MYZAP: variants seen among roughly 807,000 people sequenced by gnomAD.
MYZAP encodes myocardial zonula adherens protein, also known as GRINL1A complex locus upstream.
MYZAP carries 66 observed loss-of-function variants against 69.4 expected under a neutral mutation model. The observed-to-expected ratio is 0.95, with a 90% confidence interval of 0.78 to 1.17. The LOEUF (loss-of-function observed/expected upper bound fraction) is 1.17. Among genes scored for constraint, MYZAP ranks in the 50% most tolerant of loss-of-function variants. MYZAP has a pLI of 0.00. For missense variants in MYZAP, 611 were observed against 556.2 expected, an observed-to-expected ratio of 1.10 and a Z score of -0.99; for synonymous variants, 256 against 205.9, an observed-to-expected ratio of 1.24 and a Z score of -2.09.
At chr15:57,682,466 A>C (rs1321283431) in intron 12 of MYZAP, among the ~76,000 whole-genome samples, 1 of 152,138 alleles carries the variant, frequency 6.6e-6, no homozygotes, top group Non-Finnish European at 1.5e-5. Context: ...ACTTCCCATC[A>C]AGTGCTTCCG....
intron 11 of MYZAP, among the ~76,000 whole-genome samples, chr15:57,669,862 T>C (rs566700064): frequency 1.3e-5 from 2 of 152,304 alleles, no homozygotes; most frequent in African/African-American, 4.8e-5. Flanking sequence ...GTTCAAAATA[T>C]TTCCTAATTT....
chr15:57,597,283 G>C (rs1171465859), intron 1 of MYZAP, among the ~76,000 whole-genome samples: 1 of 152,134 alleles, frequency 6.6e-6, no homozygotes, highest in East Asian at 1.9e-4. Flanking sequence ...TCACTGGGAG[G>C]CTTAAAATAG....
At chr15:57,678,848 G>A (rs2039277982) in intron 12 of MYZAP, among the ~76,000 whole-genome samples, 1 of 151,840 alleles carries the variant, frequency 6.6e-6, no homozygotes, top group Admixed American at 6.6e-5. Flanking sequence ...TTTTAGAGCT[G>A]CTCTACTTTT....
rs148484431 is a variant in MYZAP at position 57,635,966 on chromosome 15, A to C, written c.934-1729A>C. Among the ~76,000 whole-genome samples, 1,159 of 152,330 alleles carry C rather than the reference A, an allele frequency of 7.6e-3. 10 individuals carry two copies. The highest frequency in any genetic ancestry group is 0.049 in the South Asian group (236 of 4,824). The stretch of plus-strand genomic sequence containing the variant: ...CAGGGACCCTTCTGGGGAACAGATA[A>C]TAGTCTATGCCATAATCTGGGCAGT... On this transcript the variant is annotated intron_variant, in intron 8 of 12. Transcript: ENST00000267853.
chr15:57,638,126 A>G (rs1438421393), intron 9 of MYZAP, among the ~76,000 whole-genome samples: 3 of 152,234 alleles, frequency 2.0e-5, no homozygotes, highest in African/African-American at 7.2e-5. Context: ...TTGGAAACCA[A>G]TTTAAAACAT....
intron 3 of MYZAP, among the ~76,000 whole-genome samples, chr15:57,619,472 C>T (rs1300470146): frequency 6.6e-6 from 1 of 152,138 alleles, no homozygotes; most frequent in African/African-American, 2.4e-5. Flanking sequence ...TACTTCCCCA[C>T]CCTCAAGTGA....
chr15:57,676,439 T>C (rs1372041100), intron 12 of MYZAP, among the ~76,000 whole-genome samples: 1 of 133,624 alleles, frequency 7.5e-6, no homozygotes, highest in African/African-American at 3.1e-5. Context: ...TATATATGTA[T>C]ATATATATAT....
intron 10 of MYZAP, among the ~76,000 whole-genome samples, chr15:57,648,844 T>C (rs1038235371): frequency 6.6e-6 from 1 of 151,600 alleles, no homozygotes; most frequent in African/African-American, 2.4e-5. Flanking sequence ...GTTCTCTTTT[T>C]ACCTGTCCCT....
rs755467129 is a variant in MYZAP, at chr15:57,604,263, T to C, written c.76-6T>C. Reference sequence around the variant, plus strand: ...CTAACTGGCCTCTCCTTTCCCTCTCTTCTAGGCAAATGTTTGCAGACTACG... The same window carrying C: ...CTAACTGGCCTCTCCTTTCCCTCTCCTCTAGGCAAATGTTTGCAGACTACG... On this transcript the variant is annotated splice_polypyrimidine_tract_variant and splice_region_variant and intron_variant, in intron 1 of 12. Transcript: ENST00000267853. 6.2e-7 allele frequency: 1 copy of C among 1,614,126 alleles called. No homozygotes were observed. The highest frequency in any genetic ancestry group is 1.1e-5 in the South Asian group (1 of 91,056).
intron 4 of MYZAP, 86 bp from the exon 5 acceptor site, chr15:57,625,693 T>C: frequency 1.6e-6 from 2 of 1,247,144 alleles, no homozygotes; most frequent in Non-Finnish European, 1.2e-6. Context: ...ATGTGGCTTC[T>C]AACAGAAGAA....
intron 6 of MYZAP, 152 bp from the exon 7 acceptor site, chr15:57,632,282 T>C: frequency 7.6e-7 from 1 of 1,315,998 alleles, no homozygotes; most frequent in South Asian, 1.5e-5. Context: ...TCTTCCTCCC[T>C]TTCCCTGTTA....
intron 1 of MYZAP, among the ~76,000 whole-genome samples, chr15:57,600,460 C>G (rs2034338226): frequency 6.6e-6 from 1 of 152,122 alleles, no homozygotes; most frequent in Non-Finnish European, 1.5e-5. Context: ...CAGGGTATTG[C>G]TCAGTGTGAG....
At chr15:57,647,277 G>A (rs990124330) in intron 10 of MYZAP, 12 of 985,384 alleles carry the variant, frequency 1.2e-5, no homozygotes, top group African/African-American at 7.0e-5. Flanking sequence ...ACCTGTGCAC[G>A]GTGCTGTGTT....
chr15:57,658,667 G>C (rs531026617), intron 10 of MYZAP, among the ~76,000 whole-genome samples: 1 of 152,258 alleles, frequency 6.6e-6, no homozygotes, highest in African/African-American at 2.4e-5. Flanking sequence ...ACACTTCATG[G>C]GTGATGCTGT....
chr15:57,648,801 TA>T (rs1408916275), intron 10 of MYZAP, among the ~76,000 whole-genome samples: 8 of 144,306 alleles, frequency 5.5e-5, no homozygotes, highest in Non-Finnish European at 1.1e-4. Flanking sequence ...TTTTTTTTTT[TA>T]AAGAAAAGAA....
chr15:57,631,426 AG>A (rs2036499079), intron 6 of MYZAP, among the ~76,000 whole-genome samples: 1 of 149,944 alleles, frequency 6.7e-6, no homozygotes, highest in South Asian at 2.1e-4. Context: ...GGAGTTAAAA[AG>A]GTTTCTCCTA....
At chr15:57,655,926 G>A (rs1300370500) in intron 10 of MYZAP, among the ~76,000 whole-genome samples, 1 of 152,194 alleles carries the variant, frequency 6.6e-6, no homozygotes, top group Non-Finnish European at 1.5e-5. Context: ...AATAGGTGAG[G>A]TCCAGAAAAT....
At chr15:57,607,511 A>G (rs1392574702) in intron 2 of MYZAP, among the ~76,000 whole-genome samples, 2 of 152,158 alleles carry the variant, frequency 1.3e-5, no homozygotes, top group African/African-American at 4.8e-5. Flanking sequence ...AAACCAAGCA[A>G]AAGTGGTACT....
At chr15:57,603,263 T>C (rs1303230270) in intron 1 of MYZAP, among the ~76,000 whole-genome samples, 1 of 152,200 alleles carries the variant, frequency 6.6e-6, no homozygotes, top group Non-Finnish European at 1.5e-5. Flanking sequence ...CCTAAGCCTT[T>C]CCAGCTAACT....
Sources: allele counts gnomAD v4.1 joint callset (sites outside exome capture counted in the v4.1 genomes callset), GRCh38; gene constraint gnomAD v4.1.1; transcripts MANE v1.5; gene names NCBI Gene and HGNC (gene_info 2026-07-23, HGNC 2026-07-21).